Variants in RFX3 observed in about 807,000 individuals in gnomAD.
RFX3 encodes transcription factor RFX3.
In RFX3, 14 loss-of-function variants were observed where a neutral mutation model predicts 98.6. The observed-to-expected ratio is 0.14, with a 90% CI of 0.09 to 0.22. The LOEUF (loss-of-function observed/expected upper bound fraction) is 0.22. Among genes scored for constraint, RFX3 ranks in the 10% least tolerant of loss-of-function variants. The pLI, the probability that RFX3 is intolerant of heterozygous loss-of-function variation, is 1.00. For missense variants in RFX3, 639 were observed against 926.9 expected (o/e 0.69, Z 4.03); for synonymous variants, 383 against 328.4 (o/e 1.17, Z -1.80).
At chr9:3,276,526 T>C (rs1341263858) in intron 8 of RFX3, among the ~76,000 whole-genome samples, 4 of 152,120 alleles carry the variant, frequency 2.6e-5, no homozygotes, top group East Asian at 1.9e-4. Context: ...AATAAAATTC[T>C]TGTTGAATGA....
At chr9:3,427,734 A>G (rs992581813) in intron 1 of RFX3, among the ~76,000 whole-genome samples, 4 of 152,030 alleles carry the variant, frequency 2.6e-5, no homozygotes, top group Admixed American at 6.6e-5. Flanking sequence ...AACCTGTACC[A>G]TATCTTTTCA....
At chr9:3,305,061 T>A (rs1563894680) in intron 4 of RFX3, among the ~76,000 whole-genome samples, 1 of 151,982 alleles carries the variant, frequency 6.6e-6, no homozygotes, top group African/African-American at 2.4e-5. Flanking sequence ...AACCCATGTA[T>A]TAAAAGATGG....
At chr9:3,264,852 G>A (rs1185184713) in intron 12 of RFX3, among the ~76,000 whole-genome samples, 1 of 152,158 alleles carries the variant, frequency 6.6e-6, no homozygotes, top group Non-Finnish European at 1.5e-5. Flanking sequence ...AAACTCTGGA[G>A]GTCAATGAGA....
intron 1 of RFX3, among the ~76,000 whole-genome samples, chr9:3,412,556 G>T (rs369065318): frequency 4.6e-5 from 7 of 151,988 alleles, no homozygotes; most frequent in African/African-American, 1.7e-4. Context: ...ATCTTCCTAA[G>T]GTAAATATGT....
At chr9:3,318,416 A>T (rs1314271722) in intron 4 of RFX3, among the ~76,000 whole-genome samples, 1 of 152,138 alleles carries the variant, frequency 6.6e-6, no homozygotes, top group Non-Finnish European at 1.5e-5. Context: ...AGATATACCT[A>T]ATGTAAATGA....
At chr9:3,331,431 A>C (rs1156371175) in intron 3 of RFX3, among the ~76,000 whole-genome samples, 1 of 152,214 alleles carries the variant, frequency 6.6e-6, no homozygotes, top group Non-Finnish European at 1.5e-5. Flanking sequence ...GTTCTCAAGA[A>C]GTTATAATAT....
At chr9:3,417,415 C>T (rs1843077323) in intron 1 of RFX3, among the ~76,000 whole-genome samples, 1 of 151,980 alleles carries the variant, frequency 6.6e-6, no homozygotes, top group African/African-American at 2.4e-5. Flanking sequence ...AGAAGACAGA[C>T]CATACCTGAT....
chr9:3,437,326 C>T (rs1224242661), intron 1 of RFX3, among the ~76,000 whole-genome samples: 1 of 152,050 alleles, frequency 6.6e-6, no homozygotes, highest in African/African-American at 2.4e-5. Flanking sequence ...TCAGTCCTAA[C>T]TACTATAGAC....
At chr9:3,325,777 C>G (rs1482688962) in intron 4 of RFX3, among the ~76,000 whole-genome samples, 1 of 151,924 alleles carries the variant, frequency 6.6e-6, no homozygotes, top group East Asian at 1.9e-4. Flanking sequence ...TTTTAATCTT[C>G]AAGTGAAAAG....
intron 1 of RFX3, among the ~76,000 whole-genome samples, chr9:3,427,893 G>A (rs1014117337): frequency 2.0e-5 from 3 of 152,006 alleles, no homozygotes; most frequent in Non-Finnish European, 2.9e-5. Flanking sequence ...CTGGTGCCCC[G>A]CTCCAGATTC....
At chr9:3,525,337 A>G (rs1819157619) in intron 1 of RFX3, among the ~76,000 whole-genome samples, 1 of 152,216 alleles carries the variant, frequency 6.6e-6, no homozygotes, top group Non-Finnish European at 1.5e-5. Context: ...AAAGAAGAAA[A>G]TTAAAGAAAG....
chr9:3,305,983 G>C (rs3012696), intron 4 of RFX3, among the ~76,000 whole-genome samples: 4 of 151,926 alleles, frequency 2.6e-5, no homozygotes, highest in African/African-American at 9.7e-5. Flanking sequence ...CCAGTTTATT[G>C]TGGATCACTT....
At position 3,353,951 on chromosome 9, in the gene RFX3, G is replaced by A. The variant is rs1394327218; in HGVS notation, c.118-7187C>T. Among the ~76,000 whole-genome samples the A allele has an allele frequency of 3.3e-5, 5 of 151,924 alleles. No individual in the cohort carries two copies. In the East Asian group the frequency reaches 5.8e-4, roughly 18 times the overall value. On this transcript the variant is annotated intron_variant, in intron 2 of 16. Coordinates refer to ENST00000617270, the MANE Select transcript of RFX3 (RefSeq NM_001282116.2). The stretch of plus-strand genomic sequence containing the variant: ...ATGATTTAAGCGAAAACATGACCGT[G>A]CTGAGAAAAAAAGAAAGAAGCTACA...
At chr9:3,363,272 A>G (rs1836668619) in intron 2 of RFX3, among the ~76,000 whole-genome samples, 1 of 152,236 alleles carries the variant, frequency 6.6e-6, no homozygotes. Context: ...AACTACAGAA[A>G]CATAAAATAT....
At chr9:3,274,860 A>G (rs980284266) in intron 9 of RFX3, among the ~76,000 whole-genome samples, 2 of 152,008 alleles carry the variant, frequency 1.3e-5, no homozygotes, top group Admixed American at 6.6e-5. Flanking sequence ...CCATATATAG[A>G]TATGTATATC....
chr9:3,241,571 C>T (rs991521111), intron 15 of RFX3, among the ~76,000 whole-genome samples: 9 of 152,018 alleles, frequency 5.9e-5, no homozygotes, highest in Admixed American at 1.3e-4. Flanking sequence ...AAACCAGGAA[C>T]AAGGAAGAAA....
At chr9:3,341,815 C>G (rs1833918852) in intron 3 of RFX3, among the ~76,000 whole-genome samples, 1 of 152,138 alleles carries the variant, frequency 6.6e-6, no homozygotes, top group Admixed American at 6.5e-5. Context: ...AAATCAACTC[C>G]TATACCAGTC....
At chr9:3,243,550 G>C (rs72697091) in intron 15 of RFX3, among the ~76,000 whole-genome samples, 12,811 of 152,154 alleles carry the variant, frequency 0.084, 729 homozygotes, top group Non-Finnish European at 0.12. Flanking sequence ...TAGTTTGTAT[G>C]CTTGTATATA....
intron 1 of RFX3, among the ~76,000 whole-genome samples, chr9:3,458,256 G>A (rs575996242): frequency 2.8e-4 from 42 of 152,246 alleles, no homozygotes; most frequent in Admixed American, 5.9e-4. Context: ...ATAAAATGAA[G>A]CAAGTGCTGT....
Sources: allele counts gnomAD v4.1 joint callset (sites outside exome capture counted in the v4.1 genomes callset), GRCh38; gene constraint gnomAD v4.1.1; transcripts MANE v1.5; gene names NCBI Gene and HGNC (gene_info 2026-07-23, HGNC 2026-07-21).